QTGAL: variants seen among roughly 807,000 people sequenced by gnomAD.
QTGAL encodes queuosine-tRNA galactosyltransferase.
chr17:82,996,936 G>A, the QTGAL span, among the ~76,000 whole-genome samples: 1 of 152,180 alleles, frequency 6.6e-6, no homozygotes, highest in Admixed American at 6.5e-5. Context: ...TTCAAACTAT[G>A]AAACTACTGA....
the QTGAL span, among the ~76,000 whole-genome samples, chr17:82,991,422 C>T: frequency 2.6e-5 from 4 of 152,292 alleles, no homozygotes; most frequent in South Asian, 2.1e-4. Context: ...TTTCCGATTT[C>T]GCTTCTCTCT....
At chr17:83,025,833 C>T in the QTGAL span, among the ~76,000 whole-genome samples, 2 of 152,240 alleles carry the variant, frequency 1.3e-5, no homozygotes, top group East Asian at 1.9e-4. Context: ...GGGTGCCAGT[C>T]GTGTCCGGGT....
chr17:83,042,107 C>T, the QTGAL span, among the ~76,000 whole-genome samples: 1 of 152,230 alleles, frequency 6.6e-6, no homozygotes, highest in Non-Finnish European at 1.5e-5. Context: ...TGGCTCATGC[C>T]TATAATCCCC....
At chr17:83,011,175 C>T in the QTGAL span, among the ~76,000 whole-genome samples, 4 of 152,208 alleles carry the variant, frequency 2.6e-5, no homozygotes, top group East Asian at 7.7e-4. Context: ...GTCAGGAATC[C>T]AAGGGTCAGC....
At chr17:82,971,432 G>A in the QTGAL span, among the ~76,000 whole-genome samples, 322 of 152,296 alleles carry the variant, frequency 2.1e-3, no homozygotes, top group African/African-American at 7.5e-3. Flanking sequence ...GGCAAGCGCT[G>A]GGGTGGGGGC....
At chr17:82,973,451 C>T in the QTGAL span, among the ~76,000 whole-genome samples, 36 of 152,300 alleles carry the variant, frequency 2.4e-4, 1 homozygote, top group South Asian at 5.2e-3. Flanking sequence ...CCGGTTTTCA[C>T]GGTCTTCCCG....
the QTGAL span, chr17:82,965,663 G>A: frequency 7.5e-6 from 12 of 1,609,512 alleles, no homozygotes; most frequent in African/African-American, 1.3e-5. Context: ...GACCTCCCTC[G>A]TTAAAGGGGC....
At chr17:82,975,955 A>G in the QTGAL span, among the ~76,000 whole-genome samples, 3 of 37,918 alleles carry the variant, frequency 7.9e-5, no homozygotes, top group Non-Finnish European at 4.4e-5. Context: ...GCCACTATGG[A>G]GAGTCAGGGC....
At chr17:82,946,618 T>C in the QTGAL span, among the ~76,000 whole-genome samples, 1,959 of 127,756 alleles carry the variant, frequency 0.015, 25 homozygotes, top group Non-Finnish European at 0.023. Flanking sequence ...TTTAAAAACA[T>C]CTCTTTAAAA....
the QTGAL span, among the ~76,000 whole-genome samples, chr17:82,959,258 G>C: frequency 6.6e-6 from 1 of 151,978 alleles, no homozygotes; most frequent in Non-Finnish European, 1.5e-5. Flanking sequence ...ATGTGTACAC[G>C]TGTGTGCAGT....
chr17:83,031,319 GGCC>G, the QTGAL span, among the ~76,000 whole-genome samples: 2 of 150,328 alleles, frequency 1.3e-5, no homozygotes, highest in Non-Finnish European at 1.5e-5. Context: ...ACTCAGCAAC[GGCC>G]GCCAGAGCAC....
At chr17:82,950,276 A>C in the QTGAL span, among the ~76,000 whole-genome samples, 1 of 152,214 alleles carries the variant, frequency 6.6e-6, no homozygotes, top group South Asian at 2.1e-4. Context: ...GTTTTCACCA[A>C]GTGCCTTGGG....
the QTGAL span, among the ~76,000 whole-genome samples, chr17:82,962,277 C>T: frequency 6.6e-6 from 1 of 152,244 alleles, no homozygotes; most frequent in East Asian, 1.9e-4. Flanking sequence ...GTTTAACCTC[C>T]GCCTCTCCAG....
At chr17:82,959,023 TGTGTGTGTATACTGTGGGGGTGTATG>T in the QTGAL span, among the ~76,000 whole-genome samples, 19 of 29,040 alleles carry the variant, frequency 6.5e-4, no homozygotes, top group African/African-American at 2.4e-3. Context: ...GGGTGTATGG[TGTGTGTGTATACTGTGGGGGTGTATG>T]GTGTGTGTGT....
At chr17:82,986,330 C>T in the QTGAL span, among the ~76,000 whole-genome samples, 122,720 of 151,912 alleles carry the variant, frequency 0.81, 49,795 homozygotes, top group African/African-American at 0.88. Context: ...CCCTCCGCCC[C>T]CACCATACGC....
chr17:82,980,440 A>G, the QTGAL span, among the ~76,000 whole-genome samples: 124,010 of 152,030 alleles, frequency 0.82, 50,953 homozygotes, highest in African/African-American at 0.91. Flanking sequence ...AGACCCCCCC[A>G]GGTGAGGGCT....
At chr17:82,953,200 A>C in the QTGAL span, among the ~76,000 whole-genome samples, 1 of 152,220 alleles carries the variant, frequency 6.6e-6, no homozygotes, top group Admixed American at 6.5e-5. Flanking sequence ...GCAGAACTGA[A>C]GGAGATAGAG....
At chr17:83,033,170 A>G in the QTGAL span, among the ~76,000 whole-genome samples, 1 of 152,222 alleles carries the variant, frequency 6.6e-6, no homozygotes, top group Non-Finnish European at 1.5e-5. Context: ...AGTGTAGACT[A>G]TACAAGCGAC....
the QTGAL span, among the ~76,000 whole-genome samples, chr17:83,009,278 G>C: frequency 2.6e-5 from 4 of 152,082 alleles, no homozygotes; most frequent in Non-Finnish European, 5.9e-5. Context: ...AAAAAAATTA[G>C]CCGGGCGTGG....
Sources: gnomAD v4.1 joint callset for allele counts (sites outside exome capture counted in the v4.1 genomes callset) on GRCh38, gnomAD v4.1.1 for gene constraint, MANE v1.5 for transcripts, NCBI Gene and HGNC (gene_info 2026-07-23, HGNC 2026-07-21) for gene names.